Variants in NTM observed in about 807,000 individuals in gnomAD.
The protein encoded by NTM is neurotrimin, also known as IgLON family member 2.
NTM carries 13 observed loss-of-function variants against 42.1 expected under a neutral mutation model. The ratio of observed to expected loss-of-function variants is 0.31; its 90% CI spans 0.20 to 0.49. The LOEUF (loss-of-function observed/expected upper bound fraction) is 0.49, where lower values mean the gene tolerates loss of function less well. NTM is among the 20% of genes least tolerant of loss of function. NTM has a pLI of 0.99. For missense variants in NTM, 373 were observed against 452.8 expected (o/e 0.82, Z 1.60); for synonymous variants, 187 against 179.2 (o/e 1.04, Z -0.35).
At chr11:131,921,402 C>T (rs1189068099) in intron 2 of NTM, among the ~76,000 whole-genome samples, 2 of 152,034 alleles carry the variant, frequency 1.3e-5, no homozygotes, top group Non-Finnish European at 2.9e-5. Flanking sequence ...AGCAAGCAGC[C>T]AGGAATTAGG....
At chr11:131,907,424 C>T (rs2054025647) in intron 1 of NTM, among the ~76,000 whole-genome samples, 1 of 152,204 alleles carries the variant, frequency 6.6e-6, no homozygotes, top group Admixed American at 6.5e-5. Flanking sequence ...CTTCTCTCCT[C>T]CCTCCTTTGC....
At chr11:131,672,433 T>C (rs971638907) in intron 1 of NTM, among the ~76,000 whole-genome samples, 1 of 152,172 alleles carries the variant, frequency 6.6e-6, no homozygotes, top group African/African-American at 2.4e-5. Flanking sequence ...GGATGAGCGC[T>C]GTGTGGCTCT....
intron 1 of NTM, among the ~76,000 whole-genome samples, chr11:131,658,614 C>T (rs1051062987): frequency 6.6e-6 from 1 of 152,208 alleles, no homozygotes; most frequent in Non-Finnish European, 1.5e-5. Flanking sequence ...GGTTCCTGGT[C>T]TGCGGAGAAA....
intron 2 of NTM, among the ~76,000 whole-genome samples, chr11:132,046,386 GAA>G (rs59712664): frequency 2.1e-5 from 3 of 145,530 alleles, no homozygotes; most frequent in Non-Finnish European, 3.0e-5. Context: ...AAAAGGAAAA[GAA>G]AAAAAAAAAC....
rs971867512 is a variant in NTM at position 131,685,934 on chromosome 11, A to G, written c.83-225630A>G. Among the ~76,000 whole-genome samples, 81 of 152,256 alleles carry G rather than the reference A, an allele frequency of 5.3e-4. 4 individuals are homozygous for G. The highest frequency in any genetic ancestry group is 9.6e-4 in the East Asian group (5 of 5,202). On this transcript the variant is annotated intron_variant, in intron 1 of 8. Coordinates refer to ENST00000683400, the MANE Select transcript of NTM (RefSeq NM_001352005.2). ...CTGACATCCCACAGCCTTGTCCTAC[A>G]TAAGAAGTGCTATCCTGGGCTCAGG... is the stretch of plus-strand genomic sequence containing the variant.
chr11:131,763,891 C>G (rs901700988), intron 1 of NTM, among the ~76,000 whole-genome samples: 1 of 151,678 alleles, frequency 6.6e-6, no homozygotes, highest in Non-Finnish European at 1.5e-5. Flanking sequence ...GTTAATATAA[C>G]TGCTATCAAG....
intron 1 of NTM, among the ~76,000 whole-genome samples, chr11:131,823,569 C>T (rs1854299603): frequency 6.6e-6 from 1 of 152,084 alleles, no homozygotes; most frequent in African/African-American, 2.4e-5. Flanking sequence ...AATAATTCTT[C>T]TTCCTTGACT....
intron 1 of NTM, among the ~76,000 whole-genome samples, chr11:131,598,249 C>A (rs1190491661): frequency 1.3e-5 from 2 of 152,202 alleles, no homozygotes; most frequent in African/African-American, 4.8e-5. Flanking sequence ...GGCTGGGTCA[C>A]ATTTTCAGAA....
chr11:131,955,785 T>C (rs914137790), intron 2 of NTM, among the ~76,000 whole-genome samples: 31 of 147,774 alleles, frequency 2.1e-4, no homozygotes, highest in Non-Finnish European at 3.4e-4. Context: ...TCATCACCAC[T>C]CTAGCCCAAT....
intron 2 of NTM, among the ~76,000 whole-genome samples, chr11:132,142,768 C>T (rs760754611): frequency 3.3e-5 from 5 of 152,150 alleles, no homozygotes; most frequent in African/African-American, 4.8e-5. Context: ...TCACAGGAGC[C>T]GCAGAACCAT....
intron 1 of NTM, among the ~76,000 whole-genome samples, chr11:131,698,692 A>C (rs921062298): frequency 3.3e-5 from 5 of 152,234 alleles, no homozygotes; most frequent in Admixed American, 1.3e-4. Flanking sequence ...GTACATGGCG[A>C]GTTCGCATCA....
At chr11:131,483,293 A>G (rs4937628) in intron 1 of NTM, among the ~76,000 whole-genome samples, 25,449 of 152,116 alleles carry the variant, frequency 0.17, 3,815 homozygotes, top group East Asian at 0.46. Context: ...AATATTGCCA[A>G]AGACCAAGAA....
chr11:131,846,009 A>T (rs1352775899), intron 1 of NTM, among the ~76,000 whole-genome samples: 2 of 152,148 alleles, frequency 1.3e-5, no homozygotes, highest in East Asian at 3.9e-4. Context: ...GTTAGGACTC[A>T]CCTATAAATT....
At chr11:132,245,045 A>T (rs1012385230) in intron 4 of NTM, among the ~76,000 whole-genome samples, 1 of 152,204 alleles carries the variant, frequency 6.6e-6, no homozygotes, top group African/African-American at 2.4e-5. Flanking sequence ...TGTGCGTCCA[A>T]TTCGCCGTGA....
chr11:131,692,499 A>G (rs2074914875), intron 1 of NTM, among the ~76,000 whole-genome samples: 2 of 152,256 alleles, frequency 1.3e-5, no homozygotes, highest in African/African-American at 4.8e-5. Flanking sequence ...TCCCAGGCAG[A>G]TCTCTGAATA....
At chr11:132,036,594 A>G (rs74760568) in intron 2 of NTM, among the ~76,000 whole-genome samples, 8,274 of 152,254 alleles carry the variant, frequency 0.054, 310 homozygotes, top group Non-Finnish European at 0.082. Context: ...CGAATGGTGT[A>G]TCTGGGACAC....
At chr11:132,314,519 GTTTTC>G in intron 6 of NTM, 28 bp from the exon 7 acceptor site, 1 of 1,591,016 alleles carries the variant, frequency 6.3e-7, no homozygotes. Context: ...TAACCATCTT[GTTTTC>G]TTCTTTTTTG....
chr11:132,219,147 C>CA (rs1399866702), intron 4 of NTM, among the ~76,000 whole-genome samples: 1 of 152,132 alleles, frequency 6.6e-6, no homozygotes, highest in Non-Finnish European at 1.5e-5. Flanking sequence ...TTCCATCCCC[C>CA]CTACTTCTTT....
chr11:131,816,338 C>G (rs965803405), intron 1 of NTM, among the ~76,000 whole-genome samples: 1 of 152,134 alleles, frequency 6.6e-6, no homozygotes, highest in Non-Finnish European at 1.5e-5. Context: ...GTCCCTTATA[C>G]TCTCCAAATA....
Sources: allele counts gnomAD v4.1 joint callset (sites outside exome capture counted in the v4.1 genomes callset), GRCh38; gene constraint gnomAD v4.1.1; transcripts MANE v1.5; gene names NCBI Gene and HGNC (gene_info 2026-07-23, HGNC 2026-07-21).